PGM5: variants seen among roughly 807,000 people sequenced by gnomAD.
PGM5 encodes the protein phosphoglucomutase 5.
PGM5 carries 23 observed loss-of-function variants against 59.2 expected under a neutral mutation model. The observed-to-expected ratio is 0.39, with a 90% CI of 0.28 to 0.55. The LOEUF (loss-of-function observed/expected upper bound fraction) is 0.55. PGM5 is among the 20% of genes least tolerant of loss of function. The pLI is 0.66. For missense variants in PGM5, 574 were observed against 748.3 expected, an observed-to-expected ratio of 0.77 and a Z score of 2.72; for synonymous variants, 214 against 286.0, an observed-to-expected ratio of 0.75 and a Z score of 2.54.
intron 9 of PGM5, among the ~76,000 whole-genome samples, chr9:68,491,710 T>C (rs1824393473): frequency 6.6e-6 from 1 of 152,068 alleles, no homozygotes; most frequent in East Asian, 1.9e-4. Context: ...GATTTGAAAA[T>C]AAAATGGGAA....
At chr9:68,428,905 G>A (rs1823295090) in intron 6 of PGM5, 1 of 152,154 alleles carries the variant, frequency 6.6e-6, no homozygotes, top group Non-Finnish European at 1.5e-5. Context: ...CACATAAATG[G>A]GGAGGTGATA....
At chr9:68,502,166 C>T (rs1371758612) in intron 10 of PGM5, among the ~76,000 whole-genome samples, 1 of 152,218 alleles carries the variant, frequency 6.6e-6, no homozygotes, top group Non-Finnish European at 1.5e-5. Flanking sequence ...CCTGATCCCA[C>T]TCTGTGTCCT....
At chr9:68,518,120 A>G (rs1824849191) in intron 10 of PGM5, among the ~76,000 whole-genome samples, 2 of 152,242 alleles carry the variant, frequency 1.3e-5, no homozygotes, top group Admixed American at 6.5e-5. Flanking sequence ...TGTGGCCAAA[A>G]GAAATATGGT....
chr9:68,436,867 C>A (rs1554683400), intron 6 of PGM5, among the ~76,000 whole-genome samples: 1 of 152,156 alleles, frequency 6.6e-6, no homozygotes, highest in Non-Finnish European at 1.5e-5. Flanking sequence ...AAGGTCCAAG[C>A]TTTTTACCCT....
chr9:68,415,816 T>TATCTGTC (rs1419570921), intron 6 of PGM5, among the ~76,000 whole-genome samples: 9 of 54,668 alleles, frequency 1.6e-4, no homozygotes, highest in African/African-American at 4.5e-4. Context: ...TCTATCTATC[T>TATCTGTC]TATCTATCTA....
chr9:68,481,046 T>C (rs1429717399), intron 8 of PGM5, among the ~76,000 whole-genome samples: 3 of 152,174 alleles, frequency 2.0e-5, no homozygotes, highest in African/African-American at 7.2e-5. Flanking sequence ...AGCAGAAAGA[T>C]TGTGACTCAT....
At chr9:68,520,101 AAAG>A (rs1824879970) in intron 10 of PGM5, among the ~76,000 whole-genome samples, 1 of 150,358 alleles carries the variant, frequency 6.7e-6, no homozygotes, top group Admixed American at 6.6e-5. Context: ...AAAAAAAAAA[AAAG>A]ACAACTATAA....
At chr9:68,492,188 G>C (rs2132099806) in intron 9 of PGM5, among the ~76,000 whole-genome samples, 1 of 152,272 alleles carries the variant, frequency 6.6e-6, no homozygotes, top group South Asian at 2.1e-4. Flanking sequence ...GCCGTTGTCT[G>C]GGTAAAGTGT....
intron 6 of PGM5, among the ~76,000 whole-genome samples, chr9:68,406,694 A>AGTGCT (rs1822822766): frequency 1.4e-5 from 1 of 70,370 alleles, no homozygotes; most frequent in African/African-American, 5.9e-5. Flanking sequence ...ATATATATAT[A>AGTGCT]TATATATATA....
chr9:68,414,722 C>T (rs2480120), intron 6 of PGM5, among the ~76,000 whole-genome samples: 7,632 of 87,500 alleles, frequency 0.087, 1 homozygote, highest in East Asian at 0.12. Flanking sequence ...ACTGGTGGTA[C>T]GAAGAAGGGA....
At chr9:68,385,995 T>C (rs1294828882) in intron 3 of PGM5, among the ~76,000 whole-genome samples, 3 of 151,668 alleles carry the variant, frequency 2.0e-5, no homozygotes, top group African/African-American at 7.3e-5. Context: ...CATTTCACTT[T>C]AAAGTGTCAA....
intron 1 of PGM5, among the ~76,000 whole-genome samples, chr9:68,369,526 T>C (rs1201596182): frequency 2.0e-5 from 3 of 151,784 alleles, no homozygotes. Context: ...TGTACTGAAA[T>C]AGCCTCATTA....
intron 7 of PGM5, among the ~76,000 whole-genome samples, chr9:68,476,988 T>C (rs1305976492): frequency 6.6e-6 from 1 of 152,112 alleles, no homozygotes; most frequent in Non-Finnish European, 1.5e-5. Flanking sequence ...AAAGTGATTT[T>C]TTTTTTCAGC....
intron 6 of PGM5, among the ~76,000 whole-genome samples, chr9:68,458,199 G>A (rs1823808004): frequency 6.6e-6 from 1 of 152,026 alleles, no homozygotes; most frequent in Non-Finnish European, 1.5e-5. Flanking sequence ...TGGATCTTTG[G>A]TCAATTTCCT....
chr9:68,368,044 T>C (rs1834713507), intron 1 of PGM5, among the ~76,000 whole-genome samples: 2 of 152,360 alleles, frequency 1.3e-5, no homozygotes, highest in East Asian at 3.9e-4. Context: ...CCTATTAAGG[T>C]GCAGTGCCAG....
intron 1 of PGM5, among the ~76,000 whole-genome samples, chr9:68,362,510 A>G (rs1474033956): frequency 1.3e-5 from 2 of 152,368 alleles, no homozygotes; most frequent in Admixed American, 1.3e-4. Context: ...ACTATAAAGC[A>G]AAAGAAAAAC....
intron 6 of PGM5, among the ~76,000 whole-genome samples, chr9:68,431,249 G>A (rs1187294165): frequency 3.3e-5 from 5 of 151,988 alleles, no homozygotes; most frequent in African/African-American, 1.2e-4. Context: ...CCCACTACTC[G>A]CCAACACTGT....
At chr9:68,375,258 G>A (rs1156764615) in intron 1 of PGM5, among the ~76,000 whole-genome samples, 5 of 152,206 alleles carry the variant, frequency 3.3e-5, no homozygotes, top group African/African-American at 1.2e-4. Context: ...ACCCAGATCT[G>A]CATCGTTCAG....
intron 6 of PGM5, among the ~76,000 whole-genome samples, chr9:68,446,743 G>T (rs561247306): frequency 1.6e-4 from 24 of 152,170 alleles, no homozygotes; most frequent in Non-Finnish European, 3.1e-4. Context: ...TTCGAGAGAG[G>T]AATAAAAGTG....
Sources: gnomAD v4.1 joint callset for allele counts (sites outside exome capture counted in the v4.1 genomes callset) on GRCh38, gnomAD v4.1.1 for gene constraint, MANE v1.5 for transcripts, NCBI Gene and HGNC (gene_info 2026-07-23, HGNC 2026-07-21) for gene names.